TAB2: variants seen among roughly 807,000 people sequenced by gnomAD.
TAB2 encodes the protein TGF-beta-activated kinase 1 and MAP3K7-binding protein 2.
In TAB2, 3 loss-of-function variants were observed where a neutral mutation model predicts 65.0. That is an observed-to-expected ratio of 0.05 (90% CI 0.02 to 0.12). The LOEUF is 0.12. Among genes scored for constraint, TAB2 ranks in the 10% least tolerant of loss-of-function variants. The pLI is 1.00. For synonymous variants in TAB2, 298 were observed against 285.1 expected (o/e 1.05, Z -0.46); for missense variants, 623 against 840.3 (o/e 0.74, Z 3.20).
At chr6:149,267,688 A>T (rs781137059) in intron 1 of TAB2, among the ~76,000 whole-genome samples, 1 of 152,094 alleles carries the variant, frequency 6.6e-6, no homozygotes, top group South Asian at 2.1e-4. Flanking sequence ...GACATCATAA[A>T]ATGTGCTTAC....
At chr6:149,289,191 T>C (rs2114692901) in intron 1 of TAB2, among the ~76,000 whole-genome samples, 1 of 152,138 alleles carries the variant, frequency 6.6e-6, no homozygotes. Flanking sequence ...AGATCATGTA[T>C]CTGCTCAAAA....
At chr6:149,409,456 A>G (rs2114978928) in intron 6 of TAB2, 121 bp from the exon 7 acceptor site, 4 of 840,542 alleles carry the variant, frequency 4.8e-6, no homozygotes, top group Non-Finnish European at 7.8e-6. Flanking sequence ...TGTCAGCTAG[A>G]TGCCCCATTT....
At chr6:149,301,833 C>T (rs1391543348) in intron 1 of TAB2, among the ~76,000 whole-genome samples, 2 of 152,118 alleles carry the variant, frequency 1.3e-5, no homozygotes, top group Non-Finnish European at 2.9e-5. Flanking sequence ...TTTTATAAAG[C>T]TCTTGAGTTA....
At chr6:149,339,601 A>AT (rs199531336) in intron 1 of TAB2, among the ~76,000 whole-genome samples, 199 of 25,476 alleles carry the variant, frequency 7.8e-3, no homozygotes, top group African/African-American at 0.015. Context: ...TTATTTATTT[A>AT]TTTATTTTTT....
rs1762505280 is a variant in TAB2 at position 149,378,889 on chromosome 6, A to G, written c.974A>G (p.Gln325Arg). 1 of 1,614,058 alleles carries G rather than the reference A, an allele frequency of 6.2e-7. No individual in the cohort carries two copies. The highest frequency in any genetic ancestry group is 1.3e-5 in the African/African-American group (1 of 74,926). Residue 325 changes from glutamine (Q) to arginine (R), a missense_variant, in exon 3 of 7, where the codon CAG (glutamine) becomes CGG (arginine). Physicochemically the swap from Gln to Arg is conservative, Grantham distance 43. This residue lies in a region of TAB2 where 550 missense variants were observed against 665.7 expected (regional missense o/e 0.83). Coordinates refer to ENST00000637181, the MANE Select transcript of TAB2 (RefSeq NM_001292034.3). ...ATTTCAACAGGACCTCGAAAAAACC[A>G]GATTGAAATCAAACTTGAACCCCCA... The part of the protein sequence containing the change: ...QNISTGPRKN[Q>R]IEIKLEPPQR...
Position 149,378,870 on chromosome 6 carries a change from A to G in TAB2, c.955A>G (p.Thr319Ala), listed in dbSNP as rs946025303. 2.5e-6 allele frequency: 4 copies of G among 1,614,192 alleles called. No homozygotes were observed. The Admixed American group carries it at 5.0e-5, about 20-fold the overall frequency. The part of the protein sequence containing the change: ...HSQYNIQNIS[T>A]GPRKNQIEIK... ...CCAATATAACATTCAGAATATTTCAACAGGACCTCGAAAAAACCAGATTGA... is the reference window on the plus strand; with the variant it reads ...CCAATATAACATTCAGAATATTTCAGCAGGACCTCGAAAAAACCAGATTGA... Residue 319 changes from threonine (T) to alanine (A), a missense_variant, in exon 3 of 7, where the codon ACA becomes GCA. By Grantham distance (58) the Thr-to-Ala change is moderately conservative (BLOSUM62 0). Coordinates refer to ENST00000637181, the MANE Select transcript of TAB2 (RefSeq NM_001292034.3).
At chr6:149,259,524 C>T (rs955797440) in intron 1 of TAB2, among the ~76,000 whole-genome samples, 1 of 152,148 alleles carries the variant, frequency 6.6e-6, no homozygotes, top group African/African-American at 2.4e-5. Flanking sequence ...AATTTAAATA[C>T]ATTGAAACAA....
chr6:149,322,544 A>G (rs1034741044), intron 1 of TAB2, among the ~76,000 whole-genome samples: 1 of 152,156 alleles, frequency 6.6e-6, no homozygotes, highest in African/African-American at 2.4e-5. Flanking sequence ...TGGTTTTGCC[A>G]CTTAGTAGCT....
At chr6:149,403,722 G>T (rs987248416) in intron 6 of TAB2, among the ~76,000 whole-genome samples, 2 of 152,000 alleles carry the variant, frequency 1.3e-5, no homozygotes, top group African/African-American at 4.8e-5. Flanking sequence ...TTTTATTCAT[G>T]GCAGAAAGTG....
At chr6:149,329,506 G>C (rs1288314986) in intron 1 of TAB2, among the ~76,000 whole-genome samples, 1 of 152,126 alleles carries the variant, frequency 6.6e-6, no homozygotes, top group Non-Finnish European at 1.5e-5. Context: ...GAAAGAGGAA[G>C]ACTTCACTTG....
intron 1 of TAB2, among the ~76,000 whole-genome samples, chr6:149,321,611 G>T (rs1779457983): frequency 6.6e-6 from 1 of 152,152 alleles, no homozygotes; most frequent in Admixed American, 6.5e-5. Flanking sequence ...TGATCCCACA[G>T]CTCCTACGTT....
intron 3 of TAB2, among the ~76,000 whole-genome samples, chr6:149,397,335 G>A (rs1330831114): frequency 1.3e-5 from 2 of 152,046 alleles, no homozygotes; most frequent in Non-Finnish European, 2.9e-5. Context: ...CAGCTACTTG[G>A]GAGGCTGAGG....
At chr6:149,397,933 CA>C in intron 4 of TAB2, 35 bp from the exon 5 acceptor site, 1 of 1,592,230 alleles carries the variant, frequency 6.3e-7, no homozygotes, top group Middle Eastern at 2.0e-4. Context: ...ACTAAGAATT[CA>C]GTGCAAATCT....
At chr6:149,347,612 G>A (rs1271722150) in intron 1 of TAB2, among the ~76,000 whole-genome samples, 2 of 152,098 alleles carry the variant, frequency 1.3e-5, no homozygotes, top group East Asian at 1.9e-4. Flanking sequence ...TTATGGTAAA[G>A]ATTGATTATA....
chr6:149,307,258 C>T (rs1399576862), intron 1 of TAB2, among the ~76,000 whole-genome samples: 1 of 152,092 alleles, frequency 6.6e-6, no homozygotes, highest in Non-Finnish European at 1.5e-5. Context: ...ACTCTATGTC[C>T]AGATAACAAG....
At chr6:149,276,734 C>T (rs1461379965) in intron 1 of TAB2, among the ~76,000 whole-genome samples, 1 of 152,062 alleles carries the variant, frequency 6.6e-6, no homozygotes, top group African/African-American at 2.4e-5. Flanking sequence ...TTGGTAAAAC[C>T]CCAATGGAGG....
chr6:149,363,825 A>C (rs1431925976), intron 1 of TAB2, among the ~76,000 whole-genome samples: 1 of 152,048 alleles, frequency 6.6e-6, no homozygotes, highest in East Asian at 1.9e-4. Flanking sequence ...CCTGTATGAT[A>C]TCTCTATTTG....
chr6:149,411,147 G>A lies in TAB2; in HGVS notation c.*1428G>A, dbSNP rs1039774258. ...CTGAAATCAAGAAAAAGAACAGTATGCATTTAAAAAGACAGAATTATGAAA... is the reference window on the plus strand; with the variant it reads ...CTGAAATCAAGAAAAAGAACAGTATACATTTAAAAAGACAGAATTATGAAA... On this transcript the variant is annotated 3_prime_UTR_variant, in exon 7 of 7. Transcript: ENST00000637181. 2 of 152,598 alleles carry A rather than the reference G, an allele frequency of 1.3e-5. No homozygotes were observed. The highest frequency in any genetic ancestry group is 4.8e-5 in the African/African-American group (2 of 41,442). 9.5% of individuals were successfully genotyped at this position (152,598 alleles called of 1,614,324 possible). A position where few individuals can be genotyped will look rare whatever the true frequency, so the allele number is the denominator to read the frequency against.
chr6:149,309,801 A>G (rs1177843067), intron 1 of TAB2, among the ~76,000 whole-genome samples: 1 of 152,148 alleles, frequency 6.6e-6, no homozygotes, highest in East Asian at 1.9e-4. Context: ...AGAAATAGGA[A>G]AGGGGATGAA....
Sources: allele counts gnomAD v4.1 joint callset (sites outside exome capture counted in the v4.1 genomes callset), GRCh38; gene constraint gnomAD v4.1.1; regional missense constraint gnomAD v4.1.1; transcripts MANE v1.5; gene names NCBI Gene and HGNC (gene_info 2026-07-23, HGNC 2026-07-21).